The following RAB11FIP4 variants were observed in gnomAD, a reference collection of about 807,000 sequenced individuals.
RAB11FIP4 encodes rab11 family-interacting protein 4.
In RAB11FIP4, 23 loss-of-function variants were observed where a neutral mutation model predicts 74.3. The ratio of observed to expected loss-of-function variants is 0.31; its 90% CI spans 0.22 to 0.44. The LOEUF is 0.44. Among genes scored for constraint, RAB11FIP4 ranks in the 20% least tolerant of loss-of-function variants. The pLI, the probability that RAB11FIP4 is intolerant of heterozygous loss-of-function variation, is 1.00. For synonymous variants in RAB11FIP4, 360 were observed against 359.9 expected, an observed-to-expected ratio of 1.00 and a Z score of 0.00; for missense variants, 630 against 863.9, an observed-to-expected ratio of 0.73 and a Z score of 3.39.
intron 1 of RAB11FIP4, among the ~76,000 whole-genome samples, chr17:31,410,132 C>T (rs1241463418): frequency 6.6e-6 from 1 of 152,168 alleles, no homozygotes; most frequent in African/African-American, 2.4e-5. Flanking sequence ...CTTAGCACAG[C>T]CCTTGTGCAT....
At chr17:31,424,035 G>A (rs748835514) in intron 1 of RAB11FIP4, among the ~76,000 whole-genome samples, 2 of 152,010 alleles carry the variant, frequency 1.3e-5, no homozygotes, top group African/African-American at 4.8e-5. Flanking sequence ...TTCCCAGGAG[G>A]CCCCCCTTTC....
intron 9 of RAB11FIP4, chr17:31,524,556 C>T (rs1479935551): frequency 1.1e-5 from 2 of 178,598 alleles, no homozygotes; most frequent in African/African-American, 4.8e-5. Context: ...TTGTACACCC[C>T]AGAAGGTCAG....
At chr17:31,422,111 G>A (rs181834137) in intron 1 of RAB11FIP4, among the ~76,000 whole-genome samples, 1 of 152,206 alleles carries the variant, frequency 6.6e-6, no homozygotes, top group Admixed American at 6.5e-5. Context: ...GGAGGTGGAG[G>A]CTGCAGTGAG....
chr17:31,529,094 CTTTTT>C (rs10701171), intron 13 of RAB11FIP4, among the ~76,000 whole-genome samples: 10 of 133,626 alleles, frequency 7.5e-5, no homozygotes, highest in South Asian at 2.3e-4. Context: ...CCCAAGGTTC[CTTTTT>C]TTTTTTTTTT....
intron 3 of RAB11FIP4, among the ~76,000 whole-genome samples, chr17:31,481,889 C>T (rs12603282): frequency 3.2e-4 from 49 of 152,002 alleles, no homozygotes; most frequent in African/African-American, 1.1e-3. Flanking sequence ...CAGGTCCCAC[C>T]CCGTCTGCAC....
At chr17:31,493,629 C>T (rs191812800) in intron 3 of RAB11FIP4, among the ~76,000 whole-genome samples, 17 of 152,318 alleles carry the variant, frequency 1.1e-4, no homozygotes, top group African/African-American at 4.8e-5. Flanking sequence ...CTGCATCCCA[C>T]GCTTTGTCAC....
At chr17:31,505,637 A>C (rs1477777149) in intron 3 of RAB11FIP4, among the ~76,000 whole-genome samples, 1 of 90,606 alleles carries the variant, frequency 1.1e-5, no homozygotes, top group Admixed American at 1.7e-4. Flanking sequence ...TTATATAATA[A>C]TAATTATATA....
At chr17:31,528,924 T>C (rs1222076219) in intron 13 of RAB11FIP4, 146 bp downstream of exon 13, 2 of 900,276 alleles carry the variant, frequency 2.2e-6, no homozygotes, top group East Asian at 5.3e-5. Flanking sequence ...CAGGGCTGAC[T>C]GCCCCATTTC....
chr17:31,402,098 C>T (rs571979048), intron 1 of RAB11FIP4, among the ~76,000 whole-genome samples: 10 of 152,208 alleles, frequency 6.6e-5, no homozygotes, highest in African/African-American at 2.2e-4. Flanking sequence ...ACAGTCCATC[C>T]ACCCATCCAT....
Position 31,537,460 on chromosome 17 carries a change from C to G in RAB11FIP4, c.*5728C>G. On this transcript the variant is annotated 3_prime_UTR_variant, in exon 15 of 15. Coordinates refer to ENST00000621161, the MANE Select transcript of RAB11FIP4 (RefSeq NM_032932.6). ...AGCCTTGCATTCCAGAAAAGGGCAA[C>G]TTTGTGTAAAGCAGCTTCTCCCACA... The G allele has an allele frequency of 2.7e-6, 1 of 371,068 alleles. No homozygotes were observed. The highest frequency in any genetic ancestry group is 2.1e-5 in the African/African-American group (1 of 48,244). 23.0% of individuals were successfully genotyped at this position (371,068 alleles called of 1,614,324 possible).
At position 31,533,446 on chromosome 17, in the gene RAB11FIP4, C is replaced by T. The variant is rs1377297979; in HGVS notation, c.*1714C>T. ...CTTAGGACGCGGGTCTCCTTGGGCTCCCCCAAGGGTTCTGCGAAGAGGCAG... is the reference window on the plus strand; with the variant it reads ...CTTAGGACGCGGGTCTCCTTGGGCTTCCCCAAGGGTTCTGCGAAGAGGCAG... On this transcript the variant is annotated 3_prime_UTR_variant, in exon 15 of 15. Transcript: ENST00000621161. 1 of 152,148 alleles carries T rather than the reference C, an allele frequency of 6.6e-6. No homozygotes were observed. Among genetic ancestry groups the T allele is most frequent in the East Asian group, 1.9e-4 (1 of 5,178 alleles). The allele number at this position is 152,148 out of a possible 1,614,324, so 9.4% of individuals were successfully genotyped here. A position where few individuals can be genotyped will look rare whatever the true frequency, so the allele number is the denominator to read the frequency against.
chr17:31,445,578 ATTTTTTTTT>A (rs61393689), intron 3 of RAB11FIP4, among the ~76,000 whole-genome samples: 580 of 16,158 alleles, frequency 0.036, 17 homozygotes, highest in African/African-American at 0.11. Context: ...ATATATATAT[ATTTTTTTTT>A]TTTTTTTTTT....
At chr17:31,460,524 T>A (rs1263218336) in intron 3 of RAB11FIP4, among the ~76,000 whole-genome samples, 5 of 152,150 alleles carry the variant, frequency 3.3e-5, no homozygotes, top group Non-Finnish European at 7.3e-5. Flanking sequence ...TCAGTTAGGA[T>A]GTGTGTTAGA....
chr17:31,428,999 C>G lies in RAB11FIP4; in HGVS notation c.160-2814C>G, dbSNP rs556991464. Among the ~76,000 whole-genome samples, 138 of 152,098 alleles carry G rather than the reference C, an allele frequency of 9.1e-4. 1 individual carries two copies. Among genetic ancestry groups the G allele is most frequent in the African/African-American group, 3.3e-3 (135 of 41,504 alleles). ...TGATGATTATTATTATTATTTGAGA[C>G]GGAGTTTCACTCTTGTCACCCAGGC... On this transcript the variant is annotated intron_variant, in intron 1 of 14. Transcript: ENST00000621161.
At chr17:31,483,348 G>A (rs1289942399) in intron 3 of RAB11FIP4, among the ~76,000 whole-genome samples, 1 of 152,174 alleles carries the variant, frequency 6.6e-6, no homozygotes, top group East Asian at 1.9e-4. Flanking sequence ...TAGACTGAGA[G>A]TAATGCAACC....
chr17:31,425,856 C>T (rs919181028), intron 1 of RAB11FIP4, among the ~76,000 whole-genome samples: 1 of 152,158 alleles, frequency 6.6e-6, no homozygotes, highest in African/African-American at 2.4e-5. Flanking sequence ...AGGGTGGGGG[C>T]GGCCCCCAGC....
At chr17:31,454,190 A>G (rs1039720271) in intron 3 of RAB11FIP4, among the ~76,000 whole-genome samples, 14 of 152,220 alleles carry the variant, frequency 9.2e-5, no homozygotes, top group Admixed American at 6.5e-5. Context: ...GAGATTAAAC[A>G]GCTGTTCTCA....
intron 3 of RAB11FIP4, chr17:31,465,511 T>TA (rs11379284): frequency 0.067 from 8,819 of 132,416 alleles, 779 homozygotes; most frequent in African/African-American, 0.2. Context: ...GGCACCCTGT[T>TA]AAAAAAAAAA....
At chr17:31,482,300 A>C (rs1171710359) in intron 3 of RAB11FIP4, among the ~76,000 whole-genome samples, 1 of 151,986 alleles carries the variant, frequency 6.6e-6, no homozygotes, top group Non-Finnish European at 1.5e-5. Flanking sequence ...TTTTCTAAAT[A>C]AAAAATTGGG....
Sources: gnomAD v4.1 joint callset for allele counts (sites outside exome capture counted in the v4.1 genomes callset) on GRCh38, gnomAD v4.1.1 for gene constraint, MANE v1.5 for transcripts, NCBI Gene and HGNC (gene_info 2026-07-23, HGNC 2026-07-21) for gene names.